The following OPHN1 variants were observed in gnomAD, a reference collection of about 807,000 sequenced individuals.
OPHN1 encodes the protein oligophrenin-1.
OPHN1 carries 11 observed loss-of-function variants against 60.7 expected under a neutral mutation model. The ratio of observed to expected loss-of-function variants is 0.18; its 90% CI spans 0.11 to 0.30. OPHN1 has a LOEUF of 0.30. OPHN1 is among the 10% of genes least tolerant of loss of function. The pLI, the probability that OPHN1 is intolerant of heterozygous loss-of-function variation, is 1.00. For missense variants in OPHN1, 449 were observed against 611.0 expected (o/e 0.73, Z 2.80); for synonymous variants, 226 against 222.6 (o/e 1.02, Z -0.14).
intron 4 of OPHN1, among the ~76,000 whole-genome samples, chrX:68,277,278 T>C (rs1292532158): frequency 9.0e-6 from 1 of 111,294 alleles, no homozygotes; most frequent in Non-Finnish European, 1.9e-5. Context: ...TTTGCTCCTA[T>C]GAGAATCTAA....
intron 15 of OPHN1, among the ~76,000 whole-genome samples, chrX:68,156,768 G>A (rs957855699): frequency 1.8e-5 from 2 of 111,646 alleles, no homozygotes; most frequent in Admixed American, 9.6e-5. Context: ...TTTACAAAAT[G>A]TATCACATAT....
rs751175124 is a variant in OPHN1 at position 68,054,145 on chromosome X, T to C, written c.2159-335A>G. Among the ~76,000 whole-genome samples, 5 of 110,306 alleles carry C rather than the reference T, an allele frequency of 4.5e-5. No homozygotes were observed. In the South Asian group the frequency reaches 2.0e-3, roughly 44 times the overall value. On this transcript the variant is annotated intron_variant, in intron 21 of 24. Transcript: ENST00000355520. Reference sequence around the variant, plus strand: ...GAGGATTAAATCAGGTACTAATATGTTTAGTGCAGGGCCAGGTACATAGTA... The same window carrying C: ...GAGGATTAAATCAGGTACTAATATGCTTAGTGCAGGGCCAGGTACATAGTA...
At chrX:68,081,285 G>C (rs143233868) in intron 19 of OPHN1, among the ~76,000 whole-genome samples, 5,474 of 111,517 alleles carry the variant, frequency 0.049, 357 homozygotes, top group African/African-American at 0.17. Flanking sequence ...AGAGGTCAAA[G>C]AGTCAGGACA....
chrX:68,087,307 G>C (rs952664203), intron 19 of OPHN1, among the ~76,000 whole-genome samples: 3 of 112,166 alleles, frequency 2.7e-5, no homozygotes, highest in Non-Finnish European at 5.6e-5. Context: ...GATGGGCCTT[G>C]GCTGTTGTTT....
In OPHN1 at chrX:68,374,550, G is replaced by A. The variant is rs778039756; in HGVS notation, c.154+58317C>T. On this transcript the variant is annotated intron_variant, in intron 2 of 24. Coordinates refer to ENST00000355520, the MANE Select transcript of OPHN1 (RefSeq NM_002547.3). ...CACTGCAGCCTTGATCTCTCCAGCT[G>A]AAGCAATCCTACTGCCTCAGCCTCC... is the stretch of plus-strand genomic sequence containing the variant. Among the ~76,000 whole-genome samples, 8 of 109,994 alleles carry A rather than the reference G, an allele frequency of 7.3e-5. No individual in the cohort carries two copies. The East Asian group carries it at 2.3e-3, about 32-fold the overall frequency.
chrX:68,152,731 C>T (rs187909557), intron 15 of OPHN1, among the ~76,000 whole-genome samples: 32 of 110,282 alleles, frequency 2.9e-4, no homozygotes, highest in African/African-American at 9.6e-4. Flanking sequence ...GTGTTAGCCA[C>T]CCCACTTGGC....
intron 20 of OPHN1, among the ~76,000 whole-genome samples, chrX:68,064,458 A>C (rs1425962985): frequency 2.7e-5 from 3 of 111,918 alleles, no homozygotes; most frequent in African/African-American, 9.7e-5. Context: ...TATTAAAGGA[A>C]TATGTCACTC....
chrX:68,424,189 TAAAAATA>T (rs2078843659), intron 2 of OPHN1, among the ~76,000 whole-genome samples: 1 of 40,374 alleles, frequency 2.5e-5, no homozygotes, highest in African/African-American at 4.2e-5. Flanking sequence ...TAAATAAAAA[TAAAAATA>T]AAAAAAAAAT....
At chrX:68,168,933 A>G (rs2077374413) in intron 15 of OPHN1, among the ~76,000 whole-genome samples, 1 of 111,424 alleles carries the variant, frequency 9.0e-6, no homozygotes, top group Admixed American at 9.6e-5. Context: ...CGACACATAC[A>G]CCCACCCAAG....
At chrX:68,400,482 G>A (rs2078708029) in intron 2 of OPHN1, among the ~76,000 whole-genome samples, 1 of 111,539 alleles carries the variant, frequency 9.0e-6, no homozygotes, top group African/African-American at 3.2e-5. Context: ...TCACAGTTCT[G>A]CAGGCTGTAC....
chrX:68,331,405 G>C (rs1265409518), intron 2 of OPHN1, among the ~76,000 whole-genome samples: 1 of 109,579 alleles, frequency 9.1e-6, no homozygotes, highest in Non-Finnish European at 1.9e-5. Flanking sequence ...GGTAAACGCA[G>C]ATTTCACTAT....
intron 19 of OPHN1, among the ~76,000 whole-genome samples, chrX:68,074,856 GA>G (rs1426086294): frequency 9.0e-6 from 1 of 111,088 alleles, no homozygotes; most frequent in Non-Finnish European, 1.9e-5. Flanking sequence ...TGGAATTGCT[GA>G]GGCAAAAAAC....
At chrX:68,297,776 A>T (rs1197981099) in intron 3 of OPHN1, among the ~76,000 whole-genome samples, 1 of 110,977 alleles carries the variant, frequency 9.0e-6, no homozygotes, top group Non-Finnish European at 1.9e-5. Context: ...CACCCATAAA[A>T]CTTGTGAAAA....
At chrX:68,233,704 C>T (rs1021979513) in intron 6 of OPHN1, among the ~76,000 whole-genome samples, 1 of 111,215 alleles carries the variant, frequency 9.0e-6, no homozygotes, top group Non-Finnish European at 1.9e-5. Context: ...GTCCATTTAT[C>T]CATTTTCACC....
chrX:68,284,143 G>A (rs1288656098), intron 3 of OPHN1, among the ~76,000 whole-genome samples: 1 of 111,451 alleles, frequency 9.0e-6, no homozygotes, highest in African/African-American at 3.3e-5. Flanking sequence ...GACACGATCA[G>A]TTTACCTCTA....
rs139762320 is a variant in OPHN1, at chrX:68,245,271, C to T, written c.385-10683G>A. Among the ~76,000 whole-genome samples the T allele has an allele frequency of 2.7e-3, 297 of 111,457 alleles. 2 individuals carry two copies. Among genetic ancestry groups the T allele is most frequent in the Non-Finnish European group, 4.5e-3 (241 of 53,096 alleles). On this transcript the variant is annotated intron_variant, in intron 5 of 24. Coordinates refer to ENST00000355520, the MANE Select transcript of OPHN1 (RefSeq NM_002547.3). ...TCGTATTCAAGGCCCTGCAGTCTCA[C>T]GCCAATCTACTCTCCAGTTTCACCT...
chrX:68,318,234 C>T (rs1477925636), intron 2 of OPHN1, among the ~76,000 whole-genome samples: 4 of 111,484 alleles, frequency 3.6e-5, no homozygotes, highest in East Asian at 2.8e-4. Context: ...AATTGTATAC[C>T]GAAAACAAAA....
At chrX:68,321,573 G>A (rs1290947898) in intron 2 of OPHN1, among the ~76,000 whole-genome samples, 1 of 111,476 alleles carries the variant, frequency 9.0e-6, no homozygotes, top group Non-Finnish European at 1.9e-5. Context: ...AAACCCAAAT[G>A]TCGTATGTTC....
chrX:68,294,632 T>C (rs764478799), intron 3 of OPHN1, among the ~76,000 whole-genome samples: 40 of 111,513 alleles, frequency 3.6e-4, no homozygotes, highest in African/African-American at 1.3e-3. Flanking sequence ...ACAAGCTTTA[T>C]AGCAGATGCT....
Sources: allele counts gnomAD v4.1 joint callset (sites outside exome capture counted in the v4.1 genomes callset), GRCh38; gene constraint gnomAD v4.1.1; transcripts MANE v1.5; gene names NCBI Gene and HGNC (gene_info 2026-07-23, HGNC 2026-07-21).